The following KCTD8 variants were observed in gnomAD, a reference collection of about 807,000 sequenced individuals.
KCTD8 encodes the protein BTB/POZ domain-containing protein KCTD8.
In KCTD8, 27 loss-of-function variants were observed where a neutral mutation model predicts 31.5. The ratio of observed to expected loss-of-function variants is 0.86; its 90% CI spans 0.63 to 1.18. KCTD8 has a LOEUF of 1.18. KCTD8 is among the 50% of genes most tolerant of loss of function. KCTD8 has a pLI of 0.00. For missense variants in KCTD8, 658 were observed against 647.7 expected, an observed-to-expected ratio of 1.02 and a Z score of -0.17; for synonymous variants, 290 against 280.0, an observed-to-expected ratio of 1.04 and a Z score of -0.36.
At chr4:44,360,126 T>C (rs886657434) in intron 1 of KCTD8, among the ~76,000 whole-genome samples, 2 of 152,030 alleles carry the variant, frequency 1.3e-5, no homozygotes, top group Non-Finnish European at 2.9e-5. Context: ...ATGTTGCCTT[T>C]TATATTTTAA....
At chr4:44,393,226 C>G (rs896746948) in intron 1 of KCTD8, among the ~76,000 whole-genome samples, 10 of 151,912 alleles carry the variant, frequency 6.6e-5, no homozygotes, top group Non-Finnish European at 1.5e-4. Context: ...GATGGCTCTT[C>G]AAAAGTATGA....
At chr4:44,299,744 T>G (rs904138793) in intron 1 of KCTD8, among the ~76,000 whole-genome samples, 6 of 148,380 alleles carry the variant, frequency 4.0e-5, no homozygotes, top group South Asian at 2.1e-4. Context: ...AAAAAGGTGG[T>G]GCCTTAGGTG....
At chr4:44,255,536 C>T (rs1715965826) in intron 1 of KCTD8, among the ~76,000 whole-genome samples, 1 of 151,876 alleles carries the variant, frequency 6.6e-6, no homozygotes, top group African/African-American at 2.4e-5. Context: ...TCACAGATCT[C>T]TATTGTCTTA....
chr4:44,390,680 G>A (rs114034641), intron 1 of KCTD8, among the ~76,000 whole-genome samples: 2,100 of 151,826 alleles, frequency 0.014, 27 homozygotes, highest in Non-Finnish European at 0.023. Flanking sequence ...GAAGCATAAC[G>A]CGATACCACC....
At chr4:44,320,823 A>T (rs1431721859) in intron 1 of KCTD8, among the ~76,000 whole-genome samples, 1 of 131,228 alleles carries the variant, frequency 7.6e-6, no homozygotes, top group African/African-American at 4.0e-5. Flanking sequence ...CTGATTCTTA[A>T]AAAAAAAAAA....
At chr4:44,410,907 G>A (rs961172951) in intron 1 of KCTD8, among the ~76,000 whole-genome samples, 6 of 152,052 alleles carry the variant, frequency 3.9e-5, no homozygotes, top group African/African-American at 1.2e-4. Context: ...TCCTGAGGTG[G>A]CCTTTCCCAA....
intron 1 of KCTD8, among the ~76,000 whole-genome samples, chr4:44,354,924 A>G (rs995361402): frequency 3.9e-5 from 6 of 152,190 alleles, no homozygotes; most frequent in Non-Finnish European, 8.8e-5. Context: ...GAACTATGAA[A>G]TGCTCTTCAT....
chr4:44,237,046 C>A (rs1274918451), intron 1 of KCTD8, among the ~76,000 whole-genome samples: 1 of 152,138 alleles, frequency 6.6e-6, no homozygotes, highest in Non-Finnish European at 1.5e-5. Context: ...CTTTTTAAAT[C>A]ACCCAGTCTT....
chr4:44,273,735 C>G (rs1443558934), intron 1 of KCTD8, among the ~76,000 whole-genome samples: 1 of 151,816 alleles, frequency 6.6e-6, no homozygotes, highest in South Asian at 2.1e-4. Context: ...TGTGACAGGG[C>G]AAACCCAACA....
chr4:44,295,431 G>C (rs954663244), intron 1 of KCTD8, among the ~76,000 whole-genome samples: 1 of 152,092 alleles, frequency 6.6e-6, no homozygotes, highest in East Asian at 1.9e-4. Flanking sequence ...ACCCAAGAGA[G>C]CCCCTTTTTC....
At chr4:44,300,089 T>C (rs1418019221) in intron 1 of KCTD8, among the ~76,000 whole-genome samples, 1 of 152,054 alleles carries the variant, frequency 6.6e-6, no homozygotes, top group Non-Finnish European at 1.5e-5. Flanking sequence ...CTCTTGACTA[T>C]TTTTCAAATG....
intron 1 of KCTD8, among the ~76,000 whole-genome samples, chr4:44,300,146 T>C (rs1023137840): frequency 6.6e-6 from 1 of 152,146 alleles, no homozygotes; most frequent in Non-Finnish European, 1.5e-5. Flanking sequence ...AGGTGTAGAA[T>C]AACATGCTGT....
intron 1 of KCTD8, among the ~76,000 whole-genome samples, chr4:44,289,448 A>T (rs1577595605): frequency 6.6e-6 from 1 of 152,286 alleles, no homozygotes; most frequent in South Asian, 2.1e-4. Flanking sequence ...CTTTGAATAG[A>T]TCCATGGAGA....
chr4:44,218,014 T>C (rs1010661983), intron 1 of KCTD8, among the ~76,000 whole-genome samples: 2 of 152,114 alleles, frequency 1.3e-5, no homozygotes, highest in Non-Finnish European at 2.9e-5. Flanking sequence ...CATACATGTA[T>C]ATCCTATTAG....
chr4:44,434,936 G>A (rs1721606262), intron 1 of KCTD8, among the ~76,000 whole-genome samples: 1 of 151,804 alleles, frequency 6.6e-6, no homozygotes, highest in African/African-American at 2.4e-5. Context: ...ACAATTTACA[G>A]GCATTATCAC....
rs562310434 is a variant in KCTD8, at chr4:44,292,048, A to T, written c.962-116798T>A. On this transcript the variant is annotated intron_variant, in intron 1 of 1. Coordinates refer to ENST00000360029, the MANE Select transcript of KCTD8 (RefSeq NM_198353.3). ...CTCTTGGTGGGAATATAAGTTATTC[A>T]TCCACTGCGGAAAGCAGTACGCAGA... is the stretch of plus-strand genomic sequence containing the variant. Among the ~76,000 whole-genome samples, 10 of 151,834 alleles carry T rather than the reference A, an allele frequency of 6.6e-5. No individual in the cohort carries two copies. In the East Asian group the frequency reaches 1.7e-3, roughly 27 times the overall value.
intron 1 of KCTD8, among the ~76,000 whole-genome samples, chr4:44,346,681 C>G (rs1719045657): frequency 6.6e-6 from 1 of 152,142 alleles, no homozygotes; most frequent in Non-Finnish European, 1.5e-5. Context: ...CAGATGACAG[C>G]ACTAGTACAA....
intron 1 of KCTD8, among the ~76,000 whole-genome samples, chr4:44,297,014 C>A (rs1717454878): frequency 1.3e-5 from 2 of 151,958 alleles, no homozygotes; most frequent in African/African-American, 4.8e-5. Context: ...TTTTAAAAAG[C>A]ATATTTAATG....
At chr4:44,389,829 A>T (rs946264521) in intron 1 of KCTD8, among the ~76,000 whole-genome samples, 1 of 151,366 alleles carries the variant, frequency 6.6e-6, no homozygotes, top group Admixed American at 6.6e-5. Context: ...TTATACGTGG[A>T]TTTTTTTTCA....
Sources: gnomAD v4.1 joint callset for allele counts (sites outside exome capture counted in the v4.1 genomes callset) on GRCh38, gnomAD v4.1.1 for gene constraint, MANE v1.5 for transcripts, NCBI Gene and HGNC (gene_info 2026-07-23, HGNC 2026-07-21) for gene names.